Variants in KIDINS220 observed in about 807,000 individuals in gnomAD.
KIDINS220 encodes kinase D interacting substrate 220.
In KIDINS220, 63 loss-of-function variants were observed where a neutral mutation model predicts 157.6. The observed-to-expected ratio is 0.40, with a 90% CI of 0.33 to 0.49. The LOEUF (loss-of-function observed/expected upper bound fraction) is 0.49, where lower values mean the gene tolerates loss of function less well. KIDINS220 is among the 20% of genes least tolerant of loss of function. KIDINS220 has a pLI of 0.66. For synonymous variants in KIDINS220, 732 were observed against 783.6 expected (o/e 0.93, Z 1.10); for missense variants, 1,772 against 2,171.2 (o/e 0.82, Z 3.65).
intron 29 of KIDINS220, among the ~76,000 whole-genome samples, chr2:8,732,957 CA>C (rs1276355011): frequency 5.9e-5 from 9 of 152,154 alleles, no homozygotes; most frequent in Admixed American, 5.9e-4. Context: ...TAAGAATCTC[CA>C]AAGGAAGAAC....
intron 22 of KIDINS220, among the ~76,000 whole-genome samples, chr2:8,768,698 G>A (rs535818302): frequency 1.4e-4 from 22 of 152,200 alleles, no homozygotes; most frequent in African/African-American, 4.8e-4. Context: ...TTTGTCGGCT[G>A]TAAATAAAAC....
chr2:8,776,886 A>T lies in KIDINS220; in HGVS notation c.2710T>A (p.Tyr904Asn). 1.2e-6 allele frequency: 2 copies of T among 1,613,692 alleles called. No individual in the cohort carries two copies. Among genetic ancestry groups the T allele is most frequent in the South Asian group, 1.1e-5 (1 of 90,982 alleles). ...GTCCTCTGCATCTGCCTTCTTCGGTAAGTGTCCTGAAACAGCACGTCGTCA... is the reference window on the plus strand; with the variant it reads ...GTCCTCTGCATCTGCCTTCTTCGGTTAGTGTCCTGAAACAGCACGTCGTCA... ...SKTALNRRDT[Y>N]RRRQMQRTIT... Residue 904 changes from tyrosine (Y) to asparagine (N), a missense_variant, in exon 21 of 30, where the codon TAC becomes AAC. This residue lies in a region of KIDINS220 where 725 missense variants were observed against 1,017.1 expected (regional missense o/e 0.71). Transcript: ENST00000256707.
intron 8 of KIDINS220, among the ~76,000 whole-genome samples, chr2:8,802,101 G>T (rs942231958): frequency 5.3e-5 from 8 of 152,210 alleles, no homozygotes; most frequent in African/African-American, 1.7e-4. Flanking sequence ...AAACATGGCT[G>T]CAGGCTATGA....
chr2:8,757,371 T>A, intron 22 of KIDINS220: 1 of 1,073,978 alleles, frequency 9.3e-7, no homozygotes, highest in Non-Finnish European at 1.1e-6. Context: ...ATTTTTTATA[T>A]TTATTACTAA....
intron 17 of KIDINS220, among the ~76,000 whole-genome samples, chr2:8,781,938 A>G (rs1377938060): frequency 1.3e-5 from 2 of 152,050 alleles, no homozygotes; most frequent in Non-Finnish European, 1.5e-5. Flanking sequence ...TGTGGGGAAC[A>G]TGGTGAAACC....
rs1381974604 is a variant in KIDINS220 at position 8,817,693 on chromosome 2, A to C, written c.231T>G (p.Ser77=). 1 of 1,607,206 alleles carries C rather than the reference A, an allele frequency of 6.2e-7. No homozygotes were observed. Among genetic ancestry groups the C allele is most frequent in the South Asian group, 1.1e-5 (1 of 89,726 alleles). ...TGTGCACATGCCCTTCTTTCGATGC[A>C]GATATAAGTGCTGTCCAATTATCCT... is the stretch of plus-strand genomic sequence containing the variant. The part of the protein sequence containing the change: ...EDLDNWTALI[S]ASKEGHVHIV... The change falls in exon 4 of 30, where the codon TCT becomes TCG. Residue 77 remains serine (S), a synonymous_variant. Transcript: ENST00000256707.
Position 8,793,829 on chromosome 2 carries a change from T to C in KIDINS220, c.1257A>G (p.Leu419=). Reference sequence around the variant, plus strand: ...ACTTACTGGCTCCAAATATTTGAGTTAAAATACTCTTCTGATGGCTACAGT... The same window carrying C: ...ACTTACTGGCTCCAAATATTTGAGTCAAAATACTCTTCTGATGGCTACAGT... ...NIDCSHQKSI[L]TQIFGARHLS... is the part of the protein sequence containing the mutation. Residue 419 remains leucine (L), a synonymous_variant, in exon 12 of 30, where the codon TTA becomes TTG. Coordinates refer to ENST00000256707, the MANE Select transcript of KIDINS220 (RefSeq NM_020738.4). 6.2e-7 allele frequency: 1 copy of C among 1,601,152 alleles called. No homozygotes were observed. Among genetic ancestry groups the C allele is most frequent in the South Asian group, 1.1e-5 (1 of 88,252 alleles).
intron 2 of KIDINS220, among the ~76,000 whole-genome samples, chr2:8,820,854 C>T (rs1389775379): frequency 3.3e-5 from 5 of 152,270 alleles, no homozygotes; most frequent in African/African-American, 7.2e-5. Context: ...CGCCTCTGTC[C>T]GCTCTAGGTT....
chr2:8,732,496 C>G (rs10178802), intron 29 of KIDINS220, among the ~76,000 whole-genome samples: 69,995 of 152,064 alleles, frequency 0.46, 18,875 homozygotes, highest in Non-Finnish European at 0.6. Flanking sequence ...AATAGTTGGG[C>G]CTTAGTAAAC....
chr2:8,806,422 A>C, intron 6 of KIDINS220, 53 bp from the exon 7 acceptor site: 2 of 1,098,004 alleles, frequency 1.8e-6, no homozygotes, highest in Non-Finnish European at 2.6e-6. Context: ...TACTCAAAGA[A>C]ACTAGCTCTT....
chr2:8,804,129 C>T (rs191510105), intron 7 of KIDINS220, among the ~76,000 whole-genome samples: 14 of 152,328 alleles, frequency 9.2e-5, no homozygotes, highest in African/African-American at 3.4e-4. Flanking sequence ...CAGCTGCCTA[C>T]GGACTATGCT....
At chr2:8,771,751 A>G (rs1670266421) in intron 21 of KIDINS220, among the ~76,000 whole-genome samples, 1 of 152,158 alleles carries the variant, frequency 6.6e-6, no homozygotes, top group South Asian at 2.1e-4. Context: ...AATTCTTCCT[A>G]TATCACCAGG....
chr2:8,742,406 C>T (rs1243323842), intron 26 of KIDINS220, among the ~76,000 whole-genome samples: 1 of 151,986 alleles, frequency 6.6e-6, no homozygotes, highest in Non-Finnish European at 1.5e-5. Flanking sequence ...GACTTGTTTT[C>T]ACTTTTTACT....
chr2:8,748,868 G>C (rs937671757), intron 24 of KIDINS220, among the ~76,000 whole-genome samples: 7 of 152,134 alleles, frequency 4.6e-5, no homozygotes, highest in Non-Finnish European at 8.8e-5. Flanking sequence ...TGTTATTCAT[G>C]AAATTAGTGA....
intron 1 of KIDINS220, among the ~76,000 whole-genome samples, chr2:8,828,404 C>A (rs1053766794): frequency 6.6e-6 from 1 of 152,236 alleles, no homozygotes; most frequent in Non-Finnish European, 1.5e-5. Flanking sequence ...CTGCTCTCCA[C>A]ACCACTTGCC....
downstream of KIDINS220, among the ~76,000 whole-genome samples, chr2:8,728,319 C>A (rs937617027): frequency 6.9e-6 from 1 of 145,224 alleles, no homozygotes; most frequent in Non-Finnish European, 1.5e-5. Context: ...TGAGAGACTG[C>A]CTCAAACAAA....
chr2:8,728,764 G>C, downstream of KIDINS220: 2 of 714,488 alleles, frequency 2.8e-6, no homozygotes, highest in Non-Finnish European at 3.4e-6. Context: ...CTCTTAAAAA[G>C]ACTAGTTGGG....
At position 8,741,531 on chromosome 2, in the gene KIDINS220, G is replaced by A. The variant is rs149944622; in HGVS notation, c.3586-4532C>T. ...GGAGGTGGAGGTTGCAGTAAGCCAA[G>A]ATTGTGCCATTGTACTCCAGCCTGG... On this transcript the variant is annotated intron_variant, in intron 26 of 29. Coordinates refer to ENST00000256707, the MANE Select transcript of KIDINS220 (RefSeq NM_020738.4). Among the ~76,000 whole-genome samples, 959 of 152,274 alleles carry A rather than the reference G, an allele frequency of 6.3e-3. 15 individuals are homozygous for A. Among genetic ancestry groups the A allele is most frequent in the African/African-American group, 0.022 (907 of 41,536 alleles).
chr2:8,800,644 TTAAC>T, intron 8 of KIDINS220, 146 bp from the exon 9 acceptor site: 1 of 609,066 alleles, frequency 1.6e-6, no homozygotes, highest in Non-Finnish European at 2.9e-6. Flanking sequence ...AAAATGTTAC[TTAAC>T]TAATATGAAT....
Sources: gnomAD v4.1 joint callset for allele counts (sites outside exome capture counted in the v4.1 genomes callset) on GRCh38, gnomAD v4.1.1 for gene constraint, gnomAD v4.1.1 regional missense constraint, MANE v1.5 for transcripts, NCBI Gene and HGNC (gene_info 2026-07-23, HGNC 2026-07-21) for gene names.